The following TJP1 variants were observed in gnomAD, a reference collection of about 807,000 sequenced individuals.
TJP1 encodes tight junction protein ZO-1.
A neutral mutation model predicts 194.2 loss-of-function variants in TJP1; 43 were observed. The observed-to-expected ratio is 0.22, with a 90% CI of 0.17 to 0.29. The LOEUF is 0.29. Among genes scored for constraint, TJP1 ranks in the 10% least tolerant of loss-of-function variants. TJP1 has a pLI of 1.00. For missense variants in TJP1, 1,971 were observed against 2,185.7 expected (o/e 0.90, Z 1.96); for synonymous variants, 801 against 779.0 (o/e 1.03, Z -0.47).
In TJP1 at chr15:29,928,710, A is replaced by G. The variant is rs556177265; in HGVS notation, c.306+27522T>C. ...TGTAATCCCAGCACTTTGGGAGGCC[A>G]AGGCGGGCAGATCACGAGGTCAGGA... is the stretch of plus-strand genomic sequence containing the variant. On this transcript the variant is annotated intron_variant, in intron 2 of 28. Transcript: ENST00000356107. Among the ~76,000 whole-genome samples the G allele has an allele frequency of 2.1e-4, 32 of 152,240 alleles. No homozygotes were observed. In the East Asian group the frequency reaches 3.1e-3, roughly 15 times the overall value.
intron 23 of TJP1, among the ~76,000 whole-genome samples, chr15:29,713,560 A>G (rs2042373089): frequency 6.6e-6 from 1 of 152,248 alleles, no homozygotes; most frequent in Non-Finnish European, 1.5e-5. Flanking sequence ...GTATTTACTG[A>G]AAGAAAGAAA....
Position 29,905,521 on chromosome 15 carries a change from T to A in TJP1, c.306+50711A>T, listed in dbSNP as rs556838310. 1.4e-4 allele frequency among the ~76,000 whole-genome samples: 22 copies of A among 152,342 alleles called. 1 individual carries two copies. The highest frequency in any genetic ancestry group is 4.8e-4 in the African/African-American group (20 of 41,586). On this transcript the variant is annotated intron_variant, in intron 2 of 28. Coordinates refer to the TJP1 transcript ENST00000356107. Reference sequence around the variant, plus strand: ...TCACACTCTTTAGTATTTATCCAAATGAGTCGAAAACATATGTTCACACAA... The same window carrying A: ...TCACACTCTTTAGTATTTATCCAAAAGAGTCGAAAACATATGTTCACACAA...
intron 2 of TJP1, among the ~76,000 whole-genome samples, chr15:29,893,828 C>T (rs1013553590): frequency 1.3e-5 from 2 of 152,096 alleles, no homozygotes; most frequent in South Asian, 4.1e-4. Flanking sequence ...ATCTAACCCA[C>T]AACACCCCCA....
At chr15:29,936,459 C>T (rs1321026179) in intron 2 of TJP1, among the ~76,000 whole-genome samples, 1 of 152,134 alleles carries the variant, frequency 6.6e-6, no homozygotes, top group Non-Finnish European at 1.5e-5. Context: ...GCCCCAGAAC[C>T]TTCCTAAGCC....
At chr15:29,843,473 G>A (rs189986080) in intron 2 of TJP1, among the ~76,000 whole-genome samples, 68 of 152,284 alleles carry the variant, frequency 4.5e-4, no homozygotes, top group African/African-American at 1.6e-3. Context: ...ACAGGCGTGA[G>A]CCACCGTGCC....
chr15:29,768,571 G>A (rs1247222856), intron 4 of TJP1, among the ~76,000 whole-genome samples: 1 of 152,116 alleles, frequency 6.6e-6, no homozygotes, highest in East Asian at 1.9e-4. Flanking sequence ...ATCAACCTGA[G>A]ATGACGTGCA....
chr15:29,781,457 A>C (rs1161739133), intron 2 of TJP1, among the ~76,000 whole-genome samples: 1 of 152,202 alleles, frequency 6.6e-6, no homozygotes, highest in African/African-American at 2.4e-5. Flanking sequence ...ACAATACCCC[A>C]ACTCATTCTA....
intron 18 of TJP1, 93 bp downstream of exon 18, chr15:29,726,286 G>C: frequency 9.5e-7 from 1 of 1,055,496 alleles, no homozygotes; most frequent in East Asian, 2.5e-5. Context: ...CCAATATGTT[G>C]ATCTAATTAG....
rs1002996707 is a variant in TJP1 at position 29,800,713 on chromosome 15, A to G, written c.28-11T>C. On this transcript the variant is annotated splice_polypyrimidine_tract_variant and intron_variant, in intron 1 of 27. Transcript: ENST00000614355. ...CTCCATTGCTGTGCTCTGATAAAGG[A>G]AAAGAAAAACAAATCATTTACCTTT... 4 of 1,612,832 alleles carry G rather than the reference A, an allele frequency of 2.5e-6. No individual in the cohort carries two copies. The African/African-American group carries it at 5.3e-5, about 22-fold the overall frequency.
At chr15:29,873,953 A>C (rs1173940398) in intron 2 of TJP1, among the ~76,000 whole-genome samples, 2 of 152,218 alleles carry the variant, frequency 1.3e-5, no homozygotes, top group African/African-American at 4.8e-5. Context: ...GCTTTTACCC[A>C]ACAGGCTCAA....
chr15:29,704,064 G>C (rs1031240853), intron 27 of TJP1, 98 bp downstream of exon 27: 2 of 1,311,854 alleles, frequency 1.5e-6, no homozygotes. Flanking sequence ...AACAGAGATA[G>C]AGATTTGCTA....
intron 2 of TJP1, among the ~76,000 whole-genome samples, chr15:29,787,842 A>G (rs1166446533): frequency 6.6e-6 from 1 of 152,150 alleles, no homozygotes; most frequent in Non-Finnish European, 1.5e-5. Context: ...TTGGGTGTAT[A>G]CCTATGAGAG....
chr15:29,778,222 C>G (rs979723464), intron 2 of TJP1, among the ~76,000 whole-genome samples: 4 of 151,988 alleles, frequency 2.6e-5, no homozygotes, highest in Non-Finnish European at 5.9e-5. Context: ...CGACTTCTTA[C>G]CCAGGCTGCA....
chr15:29,760,620 G>A (rs890956161), intron 8 of TJP1, among the ~76,000 whole-genome samples: 11 of 152,060 alleles, frequency 7.2e-5, no homozygotes, highest in Non-Finnish European at 1.5e-4. Context: ...CAAGTGATCC[G>A]CCTGCCTCGG....
intron 27 of TJP1, 72 bp from the exon 28 acceptor site, chr15:29,701,761 G>T: frequency 9.3e-7 from 1 of 1,070,018 alleles, no homozygotes. Context: ...GCAATTATAG[G>T]GCAAATACGT....
At chr15:29,963,534 C>T (rs2056232835) in intron 1 of TJP1, among the ~76,000 whole-genome samples, 1 of 152,172 alleles carries the variant, frequency 6.6e-6, no homozygotes, top group South Asian at 2.1e-4. Flanking sequence ...TAGATGACTA[C>T]TTGAATGAAT....
chr15:29,822,141 C>G lies in TJP1; in HGVS notation c.-113G>C. The G allele has an allele frequency of 8.4e-7, 1 of 1,194,968 alleles. No homozygotes were observed. The highest frequency in any genetic ancestry group is 1.0e-6 in the Non-Finnish European group (1 of 962,826). 74.0% of individuals were successfully genotyped at this position (1,194,968 alleles called of 1,614,324 possible). ...AAACATCTCCCGAGAGCGAGCGGGG[C>G]ACGGGCGGGGGCGGCCGGAAGGGCC... On this transcript the variant is annotated 5_prime_UTR_variant, in exon 1 of 28. Coordinates refer to ENST00000614355, the MANE Select transcript of TJP1 (RefSeq NM_001330239.4).
chr15:29,822,474 C>T, upstream of TJP1: 1 of 985,528 alleles, frequency 1.0e-6, no homozygotes, highest in Non-Finnish European at 1.2e-6. Context: ...GCCACGCAAA[C>T]CTGCCGGCCC....
chr15:29,907,302 G>T (rs528295921), intron 2 of TJP1, among the ~76,000 whole-genome samples: 1 of 151,944 alleles, frequency 6.6e-6, no homozygotes, highest in Non-Finnish European at 1.5e-5. Flanking sequence ...CCAGCTACTC[G>T]GGAAGCTGAG....
Sources: gnomAD v4.1 joint callset for allele counts (sites outside exome capture counted in the v4.1 genomes callset) on GRCh38, gnomAD v4.1.1 for gene constraint, MANE v1.5 for transcripts, NCBI Gene and HGNC (gene_info 2026-07-23, HGNC 2026-07-21) for gene names.